The following BNIP5 variants were observed in gnomAD, a reference collection of about 807,000 sequenced individuals.
BNIP5 encodes protein BNIP5.
A neutral mutation model predicts 67.3 loss-of-function variants in BNIP5; 61 were observed. The observed-to-expected ratio is 0.91, with a 90% CI of 0.74 to 1.12. The LOEUF (loss-of-function observed/expected upper bound fraction) is 1.12. Ranked by LOEUF, BNIP5 falls within the 50% of genes most tolerant of loss-of-function variation. The pLI is 0.00. For synonymous variants in BNIP5, 317 were observed against 319.0 expected, an observed-to-expected ratio of 0.99 and a Z score of 0.07; for missense variants, 826 against 816.3, an observed-to-expected ratio of 1.01 and a Z score of -0.14.
At chr6:36,329,074 A>G (rs994444264) in intron 2 of BNIP5, among the ~76,000 whole-genome samples, 7 of 152,164 alleles carry the variant, frequency 4.6e-5, no homozygotes, top group African/African-American at 1.7e-4. Context: ...GCACCTTGGG[A>G]GCCAGCACCC....
rs759659261 is a variant in BNIP5 at position 36,328,605 on chromosome 6, C to T, written c.720G>A (p.Lys240=). The T allele has an allele frequency of 3.7e-6, 6 of 1,610,492 alleles. No individual in the cohort carries two copies. Among genetic ancestry groups the T allele is most frequent in the Non-Finnish European group, 8.5e-7 (1 of 1,176,654 alleles). ...CTAGAGATTCCGACTCACGGTCAGG[C>T]TTTTTGAGCTCCTCTTCTTGCTGAT... is the stretch of plus-strand genomic sequence containing the variant. The part of the protein sequence containing the change: ...TGHQQEEELK[K]PDQDAIIQMI... Residue 240 remains lysine (K), a synonymous_variant, in exon 3 of 12, where the codon AAG becomes AAA. Transcript: ENST00000437635.
intron 1 of BNIP5, among the ~76,000 whole-genome samples, chr6:36,331,439 AG>A (rs1473793178): frequency 1.3e-5 from 2 of 152,194 alleles, no homozygotes; most frequent in Non-Finnish European, 2.9e-5. Context: ...CTTTTGTTAC[AG>A]TAGCAATGGA....
intron 1 of BNIP5, among the ~76,000 whole-genome samples, chr6:36,330,924 C>A (rs374522256): frequency 6.6e-6 from 1 of 152,078 alleles, no homozygotes; most frequent in Non-Finnish European, 1.5e-5. Flanking sequence ...CCACCACACC[C>A]GGCTAATTTT....
At chr6:36,334,645 C>G (rs1056459591) in intron 1 of BNIP5, among the ~76,000 whole-genome samples, 1 of 152,162 alleles carries the variant, frequency 6.6e-6, no homozygotes, top group Non-Finnish European at 1.5e-5. Flanking sequence ...CCCTGAAGAA[C>G]CTCTGCGGAT....
At chr6:36,319,954 T>C (rs1034294099) in intron 10 of BNIP5, among the ~76,000 whole-genome samples, 1 of 152,218 alleles carries the variant, frequency 6.6e-6, no homozygotes, top group East Asian at 1.9e-4. Flanking sequence ...AGAATTGGGA[T>C]GCTTAAGTTG....
chr6:36,324,616 T>G (rs1204569764), intron 6 of BNIP5, among the ~76,000 whole-genome samples: 1 of 44,782 alleles, frequency 2.2e-5, no homozygotes, highest in Non-Finnish European at 4.1e-5. Context: ...TATATATATA[T>G]ATATATATAT....
chr6:36,316,629 C>T lies in BNIP5; in HGVS notation c.*727G>A, dbSNP rs1771521260. 1 of 398,744 alleles carries T rather than the reference C, an allele frequency of 2.5e-6. No homozygotes were observed. The highest frequency in any genetic ancestry group is 1.3e-4 in the South Asian group (1 of 7,852). 24.7% of individuals were successfully genotyped at this position (398,744 alleles called of 1,614,324 possible). ...TACCCAAAAGAAGCTATAGTGCCTA[C>T]ATGGACATGGCACTAGGTAATTTTC... is the stretch of plus-strand genomic sequence containing the variant. On this transcript the variant is annotated 3_prime_UTR_variant, in exon 12 of 12. Coordinates refer to ENST00000437635, the MANE Select transcript of BNIP5 (RefSeq NM_001010903.5).
At position 36,325,005 on chromosome 6, in the gene BNIP5, T is replaced by C. The variant is rs551040314; in HGVS notation, c.1168+278A>G. ...AACCAAGGTCCATAAGATCACCCCA[T>C]TGGCCGAGCCCTTGGTGTGGGCCAG... On this transcript the variant is annotated intron_variant, in intron 6 of 11. Coordinates refer to ENST00000437635, the MANE Select transcript of BNIP5 (RefSeq NM_001010903.5). 1.4e-4 allele frequency among the ~76,000 whole-genome samples: 21 copies of C among 152,216 alleles called. No individual in the cohort carries two copies. The South Asian group carries it at 2.9e-3, about 21-fold the overall frequency.
At chr6:36,331,181 T>C (rs1467134456) in intron 1 of BNIP5, among the ~76,000 whole-genome samples, 2 of 152,134 alleles carry the variant, frequency 1.3e-5, no homozygotes, top group African/African-American at 4.8e-5. Flanking sequence ...CTCAAAGCTG[T>C]TGTCTTGTGC....
chr6:36,332,751 T>C (rs541224499), intron 1 of BNIP5, among the ~76,000 whole-genome samples: 1 of 152,128 alleles, frequency 6.6e-6, no homozygotes, highest in Non-Finnish European at 1.5e-5. Flanking sequence ...CGCCTAGGTG[T>C]GGGCAGTGCA....
chr6:36,321,559 T>C (rs1232649632), intron 9 of BNIP5, among the ~76,000 whole-genome samples: 3 of 152,032 alleles, frequency 2.0e-5, no homozygotes, highest in African/African-American at 7.2e-5. Context: ...GAATGGGAGT[T>C]TGGACGAGGA....
At chr6:36,331,616 T>C (rs1771908985) in intron 1 of BNIP5, among the ~76,000 whole-genome samples, 2 of 152,192 alleles carry the variant, frequency 1.3e-5, no homozygotes, top group Admixed American at 1.3e-4. Context: ...GCTCCGTCAG[T>C]GGCAACTCTT....
At chr6:36,318,209 G>A (rs567298501) in intron 11 of BNIP5, among the ~76,000 whole-genome samples, 66 of 152,182 alleles carry the variant, frequency 4.3e-4, no homozygotes, top group Non-Finnish European at 7.9e-4. Context: ...TTTCCCAGGG[G>A]ACCACTTGGA....
Position 36,330,271 on chromosome 6 carries a change from C to T in BNIP5, c.420G>A (p.Gly140=). ...SQHPEPLEAA[G]EPALRKKAHH... ...GGGCTTTCTTCCTGAGGGCTGGCTCCCCTGCTGCTTCCAGGGGCTCCGGAT... is the reference window on the plus strand; with the variant it reads ...GGGCTTTCTTCCTGAGGGCTGGCTCTCCTGCTGCTTCCAGGGGCTCCGGAT... Residue 140 remains glycine, a synonymous_variant, in exon 2 of 12, where the codon GGG becomes GGA. Coordinates refer to ENST00000437635, the MANE Select transcript of BNIP5 (RefSeq NM_001010903.5). The T allele has an allele frequency of 6.2e-7, 1 of 1,614,210 alleles. No homozygotes were observed. Among genetic ancestry groups the T allele is most frequent in the Non-Finnish European group, 8.5e-7 (1 of 1,180,034 alleles).
chr6:36,328,506 C>T, intron 3 of BNIP5, 92 bp downstream of exon 3: 1 of 798,120 alleles, frequency 1.3e-6, no homozygotes, highest in Non-Finnish European at 2.2e-6. Context: ...AACCACCATC[C>T]AAGGTCTCAG....
At chr6:36,324,002 A>G (rs959352553) in intron 7 of BNIP5, 127 bp downstream of exon 7, 13 of 350,590 alleles carry the variant, frequency 3.7e-5, no homozygotes, top group African/African-American at 2.8e-4. Flanking sequence ...TCCGTCTCCA[A>G]AAAAAAAAAA....
At chr6:36,333,072 G>A (rs1366293828) in intron 1 of BNIP5, among the ~76,000 whole-genome samples, 1 of 152,186 alleles carries the variant, frequency 6.6e-6, no homozygotes, top group Non-Finnish European at 1.5e-5. Context: ...TCTTATGTGT[G>A]GGATCCACAG....
In BNIP5 at chr6:36,319,558, G is replaced by T; in HGVS notation, c.1721C>A (p.Ser574Tyr). The change falls in exon 11 of 12, where the codon TCC (serine) becomes TAC (tyrosine). Residue 574 changes from serine to tyrosine, a missense_variant. Coordinates refer to ENST00000437635, the MANE Select transcript of BNIP5 (RefSeq NM_001010903.5). ...CAGGGTGGCTACCAGCTTGCTGAGG[G>T]AGGAGTCCGAGAACTCGTAAAAAAA... ...KRFFYEFSDSSLSKLVATLRS... is the reference protein window; with the variant it reads ...KRFFYEFSDSYLSKLVATLRS... The T allele has an allele frequency of 6.2e-7, 1 of 1,614,138 alleles. No homozygotes were observed. Among genetic ancestry groups the T allele is most frequent in the Non-Finnish European group, 8.5e-7 (1 of 1,179,984 alleles).
intron 1 of BNIP5, among the ~76,000 whole-genome samples, chr6:36,332,544 A>G (rs1771930565): frequency 6.6e-6 from 1 of 152,226 alleles, no homozygotes; most frequent in Admixed American, 6.5e-5. Context: ...AAACAAATGA[A>G]TAGATGTATA....
Sources: gnomAD v4.1 joint callset for allele counts (sites outside exome capture counted in the v4.1 genomes callset) on GRCh38, gnomAD v4.1.1 for gene constraint, MANE v1.5 for transcripts, NCBI Gene and HGNC (gene_info 2026-07-23, HGNC 2026-07-21) for gene names.